ADCY8: variants seen among roughly 807,000 people sequenced by gnomAD.
ADCY8 encodes the protein adenylate cyclase 8.
ADCY8 carries 51 observed loss-of-function variants against 119.7 expected under a neutral mutation model. The ratio of observed to expected loss-of-function variants is 0.43; its 90% CI spans 0.34 to 0.54. The LOEUF is 0.54. Among genes scored for constraint, ADCY8 ranks in the 20% least tolerant of loss-of-function variants. ADCY8 has a pLI of 0.03. For synonymous variants in ADCY8, 665 were observed against 651.0 expected (o/e 1.02, Z -0.33); for missense variants, 1,383 against 1,598.8 (o/e 0.87, Z 2.30).
chr8:130,971,026 A>G (rs963032392), intron 2 of ADCY8, among the ~76,000 whole-genome samples: 1 of 152,210 alleles, frequency 6.6e-6, no homozygotes, highest in African/African-American at 2.4e-5. Context: ...ATTCAATAAC[A>G]TTAGGTACTG....
chr8:131,003,621 T>TCCAATAGCAAC (rs111385550), intron 1 of ADCY8, among the ~76,000 whole-genome samples: 84,299 of 151,536 alleles, frequency 0.56, 24,300 homozygotes, highest in East Asian at 0.78. Context: ...TTATGGACAG[T>TCCAATAGCAAC]CCTGCTTGGG....
intron 15 of ADCY8, among the ~76,000 whole-genome samples, chr8:130,788,100 C>T (rs1815314663): frequency 1.3e-5 from 2 of 152,196 alleles, no homozygotes; most frequent in Admixed American, 6.5e-5. Context: ...CAATATTTCC[C>T]TTCATTTGTC....
chr8:130,984,297 G>A (rs16904392), intron 2 of ADCY8, among the ~76,000 whole-genome samples: 1 of 151,986 alleles, frequency 6.6e-6, no homozygotes, highest in Admixed American at 6.5e-5. Flanking sequence ...ATTCTTACCC[G>A]ACAGAAAGGT....
chr8:131,015,768 C>T (rs1026544020), intron 1 of ADCY8, among the ~76,000 whole-genome samples: 6 of 152,074 alleles, frequency 3.9e-5, no homozygotes, highest in African/African-American at 1.4e-4. Context: ...AGGTGTGAAA[C>T]GTGAGGCTCA....
chr8:130,867,559 C>T (rs1816824420), intron 9 of ADCY8, among the ~76,000 whole-genome samples: 1 of 146,458 alleles, frequency 6.8e-6, no homozygotes, highest in South Asian at 2.1e-4. Flanking sequence ...GGTTCTTATA[C>T]CTATTTTCTG....
At chr8:131,016,062 A>G (rs1418719992) in intron 1 of ADCY8, among the ~76,000 whole-genome samples, 1 of 152,234 alleles carries the variant, frequency 6.6e-6, no homozygotes, top group Non-Finnish European at 1.5e-5. Context: ...AGAAATGGAC[A>G]TGATCTCCAA....
At chr8:130,847,869 C>T (rs1320009594) in intron 10 of ADCY8, among the ~76,000 whole-genome samples, 1 of 152,158 alleles carries the variant, frequency 6.6e-6, no homozygotes, top group Non-Finnish European at 1.5e-5. Context: ...AACTCATAGC[C>T]TGTCTCCAGA....
At chr8:130,832,928 A>G (rs1816881866) in intron 12 of ADCY8, among the ~76,000 whole-genome samples, 1 of 152,228 alleles carries the variant, frequency 6.6e-6, no homozygotes, top group South Asian at 2.1e-4. Flanking sequence ...TATGCAACAG[A>G]GTCTAGATTT....
At chr8:130,788,311 A>G (rs561829571) in intron 15 of ADCY8, among the ~76,000 whole-genome samples, 1 of 152,376 alleles carries the variant, frequency 6.6e-6, no homozygotes, top group South Asian at 2.1e-4. Context: ...ATTCAGCCAT[A>G]AAAGAAGGAA....
intron 5 of ADCY8, among the ~76,000 whole-genome samples, chr8:130,923,641 C>A (rs193062022): frequency 2.0e-5 from 3 of 152,166 alleles, no homozygotes; most frequent in African/African-American, 4.8e-5. Context: ...ATCTTCTCAA[C>A]GATCAGGACT....
chr8:130,951,756 G>C (rs1028812602), intron 3 of ADCY8, 112 bp downstream of exon 3: 4 of 1,336,228 alleles, frequency 3.0e-6, no homozygotes, highest in Non-Finnish European at 4.1e-6. Context: ...TAATCAACCA[G>C]ATGAGGAAAG....
In ADCY8 at chr8:130,990,468, G is replaced by A. The variant is rs934180304; in HGVS notation, c.1035C>T (p.Ala345=). The A allele has an allele frequency of 1.2e-5, 19 of 1,614,060 alleles. No homozygotes were observed. In the African/African-American group the frequency reaches 2.3e-4, roughly 19 times the overall value. Reference sequence around the variant, plus strand: ...GAGTCTCCAGGAAAGCTTGGCGCTGGGCCCGGTCTGACAGGTAACTGATGA... The same window carrying A: ...GAGTCTCCAGGAAAGCTTGGCGCTGAGCCCGGTCTGACAGGTAACTGATGA... ...GIFISYLSDR[A]QRQAFLETRR... is the part of the protein sequence containing the mutation. Residue 345 remains alanine (A), a synonymous_variant, in exon 2 of 18, where the codon GCC becomes GCT. Transcript: ENST00000286355.
At chr8:130,886,486 G>C (rs1341205747) in intron 7 of ADCY8, among the ~76,000 whole-genome samples, 29 of 152,258 alleles carry the variant, frequency 1.9e-4, no homozygotes, top group Non-Finnish European at 5.9e-5. Flanking sequence ...GCATCCCAGA[G>C]AGCAAAGGAA....
intron 2 of ADCY8, among the ~76,000 whole-genome samples, chr8:130,989,500 A>T (rs1282877865): frequency 6.6e-6 from 1 of 152,230 alleles, no homozygotes; most frequent in Non-Finnish European, 1.5e-5. Flanking sequence ...ACATAACTTT[A>T]AGAAAAAGGG....
At chr8:130,920,383 G>A (rs904306154) in intron 5 of ADCY8, among the ~76,000 whole-genome samples, 1 of 151,996 alleles carries the variant, frequency 6.6e-6, no homozygotes, top group Non-Finnish European at 1.5e-5. Context: ...GGATGCTAAT[G>A]GAATATGGCT....
chr8:130,925,483 G>T (rs76556293), intron 5 of ADCY8, among the ~76,000 whole-genome samples: 1,571 of 152,164 alleles, frequency 0.01, 31 homozygotes, highest in African/African-American at 0.036. Flanking sequence ...TATAAGTTAA[G>T]TCACCCACCC....
Position 130,961,459 on chromosome 8 carries a change from A to ATCTC in ADCY8, c.1111-9462_1111-9461insGAGA, listed in dbSNP as rs1490718353. ...TCTTCATAAATCTCTTTATGAAGAG[A>ATCTC]TTTATGAGTCTTTATGAGTCTTCAT... On this transcript the variant is annotated intron_variant, in intron 2 of 17. Transcript: ENST00000286355. Among the ~76,000 whole-genome samples, 7 of 73,096 alleles carry ATCTC rather than the reference A, an allele frequency of 9.6e-5. No homozygotes were observed. The East Asian group carries it at 3.9e-3, about 41-fold the overall frequency. 48.0% of individuals were successfully genotyped at this position (73,096 alleles called of 152,430 possible).
intron 9 of ADCY8, among the ~76,000 whole-genome samples, chr8:130,867,617 G>T (rs1288156229): frequency 1.3e-5 from 2 of 152,104 alleles, no homozygotes; most frequent in Non-Finnish European, 2.9e-5. Context: ...TTTTAATTTT[G>T]GTTGTTGTTT....
chr8:130,946,285 T>G (rs6470868), intron 3 of ADCY8, among the ~76,000 whole-genome samples: 3,375 of 152,226 alleles, frequency 0.022, 125 homozygotes, highest in African/African-American at 0.077. Flanking sequence ...AAAGAACAAA[T>G]GGATTCCCTG....
Sources: gnomAD v4.1 joint callset for allele counts (sites outside exome capture counted in the v4.1 genomes callset) on GRCh38, gnomAD v4.1.1 for gene constraint, MANE v1.5 for transcripts, NCBI Gene and HGNC (gene_info 2026-07-23, HGNC 2026-07-21) for gene names.